TF: variants seen among roughly 807,000 people sequenced by gnomAD.
TF encodes the protein transferrin.
A neutral mutation model predicts 82.4 loss-of-function variants in TF; 55 were observed. That is an observed-to-expected ratio of 0.67 (90% CI 0.54 to 0.84). The LOEUF (loss-of-function observed/expected upper bound fraction) is 0.84. Among genes scored for constraint, TF ranks in the 40% least tolerant of loss-of-function variants. TF has a pLI of 0.00. For synonymous variants in TF, 332 were observed against 332.6 expected, an observed-to-expected ratio of 1.00 and a Z score of 0.02; for missense variants, 737 against 868.4, an observed-to-expected ratio of 0.85 and a Z score of 1.90.
At chr3:133,766,715 A>C (rs1458566188) in intron 12 of TF, among the ~76,000 whole-genome samples, 1 of 152,210 alleles carries the variant, frequency 6.6e-6, no homozygotes, top group Non-Finnish European at 1.5e-5. Flanking sequence ...TGAGCAGTGC[A>C]TGGCTGGTAT....
the TF span, among the ~76,000 whole-genome samples, chr3:133,679,116 C>T: frequency 2.0e-5 from 3 of 152,236 alleles, no homozygotes; most frequent in East Asian, 3.9e-4. Flanking sequence ...CATGATCCAC[C>T]CGCCTCAGCC....
chr3:133,678,960 C>G, the TF span, among the ~76,000 whole-genome samples: 1 of 152,116 alleles, frequency 6.6e-6, no homozygotes, highest in Non-Finnish European at 1.5e-5. Flanking sequence ...GCAACCTCCA[C>G]CTCCCGGGTT....
At chr3:133,762,168 C>T (rs956520758) in intron 9 of TF, 1 of 216,630 alleles carries the variant, frequency 4.6e-6, no homozygotes, top group African/African-American at 2.3e-5. Context: ...CTATGTTTCC[C>T]TTGGGAAAGT....
Position 133,781,260 on chromosome 3 carries a change from G to T in TF, c.*2640G>T, listed in dbSNP as rs548465815. 2 of 152,224 alleles carry T rather than the reference G, an allele frequency of 1.3e-5. No individual in the cohort carries two copies. Among genetic ancestry groups the T allele is most frequent in the African/African-American group, 4.8e-5 (2 of 41,516 alleles). The allele number at this position is 152,224 out of a possible 1,614,324, so 9.4% of individuals were successfully genotyped here. On this transcript the variant is annotated 3_prime_UTR_variant, in exon 17 of 17. Coordinates refer to ENST00000402696, the MANE Select transcript of TF (RefSeq NM_001063.4). The stretch of plus-strand genomic sequence containing the variant: ...GAACCTGGGAGGCAGAAGTTGTGGT[G>T]AGCCGAGATCGCACCATTGCACTCC...
chr3:133,674,375 A>C, the TF span, among the ~76,000 whole-genome samples: 3 of 151,968 alleles, frequency 2.0e-5, no homozygotes, highest in African/African-American at 7.3e-5. Flanking sequence ...AGCCTTGCAG[A>C]CCCCGGGGCT....
chr3:133,735,150 G>C, the TF span, among the ~76,000 whole-genome samples: 1 of 152,008 alleles, frequency 6.6e-6, no homozygotes, highest in Non-Finnish European at 1.5e-5. Context: ...AGACCAGCTT[G>C]GTCAAGATGG....
At chr3:133,674,720 G>A in the TF span, among the ~76,000 whole-genome samples, 1 of 147,468 alleles carries the variant, frequency 6.8e-6, no homozygotes, top group African/African-American at 2.5e-5. Flanking sequence ...GCAAGCAGCG[G>A]GTCGGTCACA....
rs200250866 is a variant in TF, at chr3:133,759,324, A to G, written c.1198A>G (p.Ile400Val). The change falls in exon 9 of 17, where the codon ATC becomes GTC. Residue 400 changes from isoleucine to valine, a missense_variant. By Grantham distance (29) the Ile-to-Val change is conservative (BLOSUM62 3). Transcript: ENST00000402696. ...AETTEDCIAKIMNGEADAMSL... is the reference protein window; with the variant it reads ...AETTEDCIAKVMNGEADAMSL... ...GACCACCGAAGACTGCATCGCCAAGATCATGGTATGTCACTCCAGCCTTCC... is the reference window on the plus strand; with the variant it reads ...GACCACCGAAGACTGCATCGCCAAGGTCATGGTATGTCACTCCAGCCTTCC... 2.5e-6 allele frequency: 4 copies of G among 1,613,534 alleles called. No homozygotes were observed. In the Middle Eastern group the frequency reaches 4.9e-4, roughly 199 times the overall value.
At chr3:133,748,779 C>T (rs1175095855) in intron 2 of TF, 195 bp downstream of exon 2, 3 of 704,434 alleles carry the variant, frequency 4.3e-6, no homozygotes, top group Non-Finnish European at 4.8e-6. Flanking sequence ...TCAAAAAGCA[C>T]ATTAACTTTT....
the TF span, among the ~76,000 whole-genome samples, chr3:133,737,841 A>G: frequency 6.6e-6 from 1 of 152,206 alleles, no homozygotes; most frequent in African/African-American, 2.4e-5. Context: ...AAGAAAAAAT[A>G]GCCCAGGACC....
At chr3:133,734,683 A>T in the TF span, among the ~76,000 whole-genome samples, 1 of 152,232 alleles carries the variant, frequency 6.6e-6, no homozygotes, top group Non-Finnish European at 1.5e-5. Flanking sequence ...TCAATGTAGT[A>T]CTAATTCATT....
At chr3:133,763,398 A>C (rs1372279189) in intron 9 of TF, among the ~76,000 whole-genome samples, 1 of 152,230 alleles carries the variant, frequency 6.6e-6, no homozygotes, top group Non-Finnish European at 1.5e-5. Context: ...TTTAAAGAAA[A>C]AAATGATATT....
chr3:133,723,477 G>GTT, the TF span, among the ~76,000 whole-genome samples: 2 of 133,576 alleles, frequency 1.5e-5, no homozygotes, highest in African/African-American at 5.5e-5. Flanking sequence ...TTTTATTCTT[G>GTT]TTTTTTTTTT....
chr3:133,717,381 C>T, the TF span, among the ~76,000 whole-genome samples: 32 of 152,154 alleles, frequency 2.1e-4, no homozygotes, highest in African/African-American at 7.7e-4. Flanking sequence ...ATAGACAACA[C>T]ATGATTTTTT....
At chr3:133,748,186 C>T (rs1032706321) in intron 1 of TF, 3 of 598,538 alleles carry the variant, frequency 5.0e-6, no homozygotes, top group African/African-American at 3.7e-5. Flanking sequence ...CTGCACCCCT[C>T]TGGCCAGCAG....
rs570587925 is a variant in TF at position 133,770,255 on chromosome 3, A to T, written c.1623-253A>T. On this transcript the variant is annotated intron_variant, in intron 13 of 16. Transcript: ENST00000402696. Reference sequence around the variant, plus strand: ...CCTACTATCCTTGTTGATGTCAGGGAAATTATGTCATCTCTCAGAGAAACA... The same window carrying T: ...CCTACTATCCTTGTTGATGTCAGGGTAATTATGTCATCTCTCAGAGAAACA... Among the ~76,000 whole-genome samples the T allele has an allele frequency of 2.6e-5, 4 of 152,310 alleles. No individual in the cohort carries two copies. In the South Asian group the frequency reaches 8.3e-4, roughly 32 times the overall value.
upstream of TF, among the ~76,000 whole-genome samples, chr3:133,744,013 C>T (rs150500303): frequency 3.3e-5 from 5 of 152,038 alleles, no homozygotes; most frequent in Middle Eastern, 3.4e-3. Flanking sequence ...GTGTAGATGA[C>T]GTGGGAGCAC....
chr3:133,699,154 G>A, the TF span, among the ~76,000 whole-genome samples: 1 of 152,240 alleles, frequency 6.6e-6, no homozygotes, highest in Admixed American at 6.5e-5. Flanking sequence ...GATGAGCTAT[G>A]AGTGCACATT....
chr3:133,760,610 T>C (rs890250364), intron 9 of TF: 3 of 152,290 alleles, frequency 2.0e-5, no homozygotes, highest in Non-Finnish European at 4.4e-5. Context: ...AAAAGACTCT[T>C]GGGAACATGT....
Sources: allele counts gnomAD v4.1 joint callset (sites outside exome capture counted in the v4.1 genomes callset), GRCh38; gene constraint gnomAD v4.1.1; transcripts MANE v1.5; gene names NCBI Gene and HGNC (gene_info 2026-07-23, HGNC 2026-07-21).